Variants in GRID2 observed in about 807,000 individuals in gnomAD.
GRID2 encodes glutamate ionotropic receptor delta type subunit 2, also known as glutamate receptor ionotropic, delta-2.
In GRID2, 33 loss-of-function variants were observed where a neutral mutation model predicts 114.8. The ratio of observed to expected loss-of-function variants is 0.29; its 90% CI spans 0.22 to 0.38. GRID2 has a LOEUF of 0.38. GRID2 is among the 10% of genes least tolerant of loss of function. The pLI, the probability that GRID2 is intolerant of heterozygous loss-of-function variation, is 1.00. For missense variants in GRID2, 1,184 were observed against 1,257.7 expected (o/e 0.94, Z 0.89); for synonymous variants, 505 against 449.9 (o/e 1.12, Z -1.55).
exon 2 of GRID2, chr4:93,807,375 T>C (rs950911778): frequency 2.6e-5 from 4 of 152,336 alleles, no homozygotes; most frequent in African/African-American, 9.6e-5. Flanking sequence ...CACTGGTAAC[T>C]GTGGTTAAAC....
intron 9 of GRID2, among the ~76,000 whole-genome samples, chr4:93,410,829 C>T (rs370382687): frequency 3.9e-5 from 6 of 152,174 alleles, no homozygotes; most frequent in East Asian, 3.9e-4. Flanking sequence ...GTGATCCTCC[C>T]GCCTTGGCCT....
At chr4:92,743,994 C>T (rs1737021884) in intron 2 of GRID2, among the ~76,000 whole-genome samples, 1 of 152,058 alleles carries the variant, frequency 6.6e-6, no homozygotes, top group South Asian at 2.1e-4. Context: ...TTGTCCTTCA[C>T]TTATTTTTTT....
At chr4:92,423,538 A>G (rs1009226058) in intron 1 of GRID2, among the ~76,000 whole-genome samples, 1 of 152,108 alleles carries the variant, frequency 6.6e-6, no homozygotes, top group Non-Finnish European at 1.5e-5. Flanking sequence ...TTAAAAAGTG[A>G]AGAGAAGTGA....
chr4:92,768,823 C>T (rs935829400), intron 2 of GRID2, among the ~76,000 whole-genome samples: 4 of 152,156 alleles, frequency 2.6e-5, no homozygotes, highest in African/African-American at 9.7e-5. Flanking sequence ...CCCCATAATT[C>T]AATCACCTCC....
intron 1 of GRID2, among the ~76,000 whole-genome samples, chr4:92,505,389 T>C (rs1723908825): frequency 6.6e-6 from 1 of 152,062 alleles, no homozygotes; most frequent in Non-Finnish European, 1.5e-5. Flanking sequence ...TAAATTATAA[T>C]ATAGATCTTT....
chr4:93,162,374 T>G (rs1182999748), intron 4 of GRID2, among the ~76,000 whole-genome samples: 1 of 151,960 alleles, frequency 6.6e-6, no homozygotes, highest in Non-Finnish European at 1.5e-5. Context: ...GAAGCTCCTT[T>G]AAAATATAAT....
rs1729619035 is a variant in GRID2, at chr4:93,515,418, TC to T, written c.2193+9del. ...CCAGGCAGGCATTCAAAAGGTACTG[TC>T]CATGGTTCTCCTTTAATAGTCCTTA... On this transcript the variant is annotated splice_region_variant and intron_variant, in intron 13 of 15. Coordinates refer to ENST00000282020, the MANE Select transcript of GRID2 (RefSeq NM_001510.4). 2.6e-6 allele frequency: 4 copies of T among 1,561,530 alleles called. No homozygotes were observed. Among genetic ancestry groups the T allele is most frequent in the African/African-American group, 1.4e-5 (1 of 73,872 alleles).
At chr4:93,720,946 G>A (rs1432784887) in intron 14 of GRID2, among the ~76,000 whole-genome samples, 1 of 152,090 alleles carries the variant, frequency 6.6e-6, no homozygotes, top group Non-Finnish European at 1.5e-5. Context: ...TGAACAGTTT[G>A]GCTGTGCAAT....
intron 1 of GRID2, among the ~76,000 whole-genome samples, chr4:92,586,395 TACAC>T (rs1308218018): frequency 1.8e-5 from 2 of 114,180 alleles, no homozygotes; most frequent in East Asian, 2.5e-4. Flanking sequence ...CACACACACA[TACAC>T]ACACACAGAC....
chr4:93,030,813 G>T (rs996968627), intron 2 of GRID2, among the ~76,000 whole-genome samples: 7 of 151,914 alleles, frequency 4.6e-5, no homozygotes, highest in African/African-American at 1.2e-4. Context: ...GGAGACAGAG[G>T]AAGGGGATGA....
intron 2 of GRID2, among the ~76,000 whole-genome samples, chr4:92,938,522 A>C (rs1353064838): frequency 6.8e-6 from 1 of 146,312 alleles, no homozygotes; most frequent in Admixed American, 7.4e-5. Flanking sequence ...TAACAACCCT[A>C]GCTATGTAAT....
At chr4:92,929,863 G>C (rs908403153) in intron 2 of GRID2, among the ~76,000 whole-genome samples, 1 of 151,274 alleles carries the variant, frequency 6.6e-6, no homozygotes, top group African/African-American at 2.4e-5. Context: ...ATATGTAAAA[G>C]TGCTTGATAC....
intron 13 of GRID2, among the ~76,000 whole-genome samples, chr4:93,592,794 G>A (rs553635554): frequency 6.6e-6 from 1 of 152,222 alleles, no homozygotes; most frequent in South Asian, 2.1e-4. Flanking sequence ...TTGAATTGAT[G>A]CCTTTACCAT....
In GRID2 at chr4:93,085,182, C is replaced by G. The variant is rs373952949; in HGVS notation, c.432C>G (p.Leu144=). 98 of 1,613,984 alleles carry G rather than the reference C, an allele frequency of 6.1e-5. 1 individual carries two copies. The highest frequency in any genetic ancestry group is 4.1e-4 in the South Asian group (37 of 91,076). Reference sequence around the variant, plus strand: ...GCAACAGGAATGATGACTACACTCTCTCAGTTCGCCCACCTGTCTACTTGC... The same window carrying G: ...GCAACAGGAATGATGACTACACTCTGTCAGTTCGCCCACCTGTCTACTTGC... The part of the protein sequence containing the change: ...TRSNRNDDYT[L]SVRPPVYLHD... The change falls in exon 3 of 16, where the codon CTC becomes CTG. Residue 144 remains leucine (L), a synonymous_variant. Coordinates refer to ENST00000282020, the MANE Select transcript of GRID2 (RefSeq NM_001510.4).
chr4:93,192,011 C>A (rs1472354144), intron 4 of GRID2, among the ~76,000 whole-genome samples: 1 of 152,076 alleles, frequency 6.6e-6, no homozygotes, highest in Non-Finnish European at 1.5e-5. Context: ...ATATTCTGCC[C>A]TTTATATTCT....
At chr4:92,884,069 G>A (rs369661340) in intron 2 of GRID2, among the ~76,000 whole-genome samples, 7 of 152,068 alleles carry the variant, frequency 4.6e-5, no homozygotes, top group African/African-American at 1.2e-4. Flanking sequence ...ACTAAAAATC[G>A]GTTTAGCCAC....
intron 13 of GRID2, among the ~76,000 whole-genome samples, chr4:93,595,831 T>C (rs1165287618): frequency 6.6e-6 from 1 of 152,226 alleles, no homozygotes; most frequent in East Asian, 1.9e-4. Flanking sequence ...ATGAGATCGT[T>C]ATTTGCTCTT....
chr4:93,471,927 C>T (rs1200297598), intron 11 of GRID2, among the ~76,000 whole-genome samples: 2 of 149,124 alleles, frequency 1.3e-5, no homozygotes, highest in African/African-American at 2.5e-5. Flanking sequence ...CTCGAACTCC[C>T]GACCTCAGGT....
intron 2 of GRID2, among the ~76,000 whole-genome samples, chr4:92,893,425 A>AT (rs890265998): frequency 3.3e-5 from 5 of 152,164 alleles, no homozygotes; most frequent in African/African-American, 1.2e-4. Context: ...CTGGATTGAC[A>AT]TAAATCCTGA....
Sources: gnomAD v4.1 joint callset for allele counts (sites outside exome capture counted in the v4.1 genomes callset) on GRCh38, gnomAD v4.1.1 for gene constraint, MANE v1.5 for transcripts, NCBI Gene and HGNC (gene_info 2026-07-23, HGNC 2026-07-21) for gene names.